SPAG16: variants seen among roughly 807,000 people sequenced by gnomAD.
SPAG16 encodes the protein sperm associated antigen 16.
SPAG16 carries 86 observed loss-of-function variants against 80.4 expected under a neutral mutation model. The observed-to-expected ratio is 1.07, with a 90% CI of 0.90 to 1.28. The LOEUF is 1.28. SPAG16 is among the 50% of genes most tolerant of loss of function. The probability of loss-of-function intolerance (pLI) is 0.00; values close to 1 mark genes in which losing one functional copy is unlikely to be tolerated. For synonymous variants in SPAG16, 294 were observed against 265.9 expected (o/e 1.11, Z -1.03); for missense variants, 870 against 765.3 (o/e 1.14, Z -1.61).
chr2:213,553,262 A>C (rs1018536319), intron 10 of SPAG16, among the ~76,000 whole-genome samples: 3 of 152,226 alleles, frequency 2.0e-5, no homozygotes, highest in Admixed American at 2.0e-4. Context: ...AGCAGCCCAC[A>C]GTCACATTAA....
At chr2:214,053,150 C>T (rs1575990634) in intron 13 of SPAG16, among the ~76,000 whole-genome samples, 2 of 152,080 alleles carry the variant, frequency 1.3e-5, no homozygotes, top group Admixed American at 6.6e-5. Context: ...GCATGCAATT[C>T]GAGCATGGAA....
chr2:213,903,868 A>T (rs921732514), intron 11 of SPAG16, among the ~76,000 whole-genome samples: 2 of 152,090 alleles, frequency 1.3e-5, no homozygotes, highest in Non-Finnish European at 2.9e-5. Flanking sequence ...ACTCTAAATC[A>T]TCTCTCTCAA....
chr2:213,659,081 G>C (rs1426002560), intron 10 of SPAG16, among the ~76,000 whole-genome samples: 2 of 152,092 alleles, frequency 1.3e-5, no homozygotes, highest in Non-Finnish European at 2.9e-5. Context: ...GTTGTGTAAT[G>C]TTCTAAATGA....
At chr2:213,593,746 CTTTTTTTTTTTT>C (rs541949006) in intron 10 of SPAG16, among the ~76,000 whole-genome samples, 2 of 50,188 alleles carry the variant, frequency 4.0e-5, no homozygotes, top group East Asian at 7.0e-4. Flanking sequence ...CCCACCACAT[CTTTTTTTTTTTT>C]TTTTTTTTTT....
At chr2:214,009,141 G>A (rs747066149) in intron 12 of SPAG16, among the ~76,000 whole-genome samples, 4 of 152,088 alleles carry the variant, frequency 2.6e-5, no homozygotes, top group Admixed American at 1.3e-4. Flanking sequence ...CTTACTCTAT[G>A]AAAATGCCAT....
intron 10 of SPAG16, among the ~76,000 whole-genome samples, chr2:213,682,254 A>G (rs998326683): frequency 6.6e-6 from 1 of 152,204 alleles, no homozygotes; most frequent in Non-Finnish European, 1.5e-5. Flanking sequence ...GGATGAGATT[A>G]AGATCAAGAT....
chr2:213,932,181 TATATATATATATATATA>T (rs1383342256), intron 12 of SPAG16, among the ~76,000 whole-genome samples: 9 of 24,662 alleles, frequency 3.6e-4, no homozygotes, highest in Admixed American at 2.6e-3. Flanking sequence ...TATATATATA[TATATATATATATATATA>T]TTTGTTGTTG....
chr2:214,393,016 G>T (rs907151500), intron 15 of SPAG16, among the ~76,000 whole-genome samples: 2 of 152,144 alleles, frequency 1.3e-5, no homozygotes, highest in Non-Finnish European at 2.9e-5. Context: ...TTTAAAGTAG[G>T]TATTGCTGGG....
intron 9 of SPAG16, among the ~76,000 whole-genome samples, chr2:213,461,782 A>T (rs1027580096): frequency 6.6e-6 from 1 of 152,186 alleles, no homozygotes; most frequent in African/African-American, 2.4e-5. Context: ...ATATAATAGG[A>T]TAAGCCCTAG....
chr2:213,625,081 C>A lies in SPAG16; in HGVS notation c.1070+134991C>A, dbSNP rs1375545217. Among the ~76,000 whole-genome samples the A allele has an allele frequency of 2.6e-5, 4 of 152,280 alleles. No homozygotes were observed. In the East Asian group the frequency reaches 7.7e-4, roughly 29 times the overall value. ...GTGCTGGAATTTCAGGCTTGAGCCA[C>A]CACACCCGGCCTCAGTTTTTTAATT... On this transcript the variant is annotated intron_variant, in intron 10 of 15. Coordinates refer to ENST00000331683, the MANE Select transcript of SPAG16 (RefSeq NM_024532.5).
chr2:214,336,073 C>T (rs867262196), intron 15 of SPAG16, among the ~76,000 whole-genome samples: 4 of 151,964 alleles, frequency 2.6e-5, no homozygotes, highest in African/African-American at 4.8e-5. Context: ...TTAGGATTCA[C>T]TTTACATAAA....
intron 12 of SPAG16, among the ~76,000 whole-genome samples, chr2:213,943,094 T>A (rs2079280199): frequency 6.6e-6 from 1 of 152,206 alleles, no homozygotes; most frequent in Non-Finnish European, 1.5e-5. Context: ...TCATCTTAGA[T>A]TTCCCGGCCT....
chr2:214,338,465 C>T (rs1254503506), intron 15 of SPAG16, among the ~76,000 whole-genome samples: 3 of 152,052 alleles, frequency 2.0e-5, no homozygotes, highest in African/African-American at 7.2e-5. Flanking sequence ...GATCATGCCA[C>T]TGCACTCCAG....
At chr2:213,888,313 A>ATATTTTCT (rs2076647068) in intron 11 of SPAG16, among the ~76,000 whole-genome samples, 2 of 151,872 alleles carry the variant, frequency 1.3e-5, no homozygotes, top group Admixed American at 1.3e-4. Context: ...TTTATAAGTT[A>ATATTTTCT]GAGCATTCAG....
At chr2:214,340,396 C>A (rs1210263948) in intron 15 of SPAG16, among the ~76,000 whole-genome samples, 1 of 152,164 alleles carries the variant, frequency 6.6e-6, no homozygotes, top group Non-Finnish European at 1.5e-5. Flanking sequence ...TTGCCAATTT[C>A]TTTTTAGAAT....
chr2:214,114,009 G>T (rs372509181), intron 14 of SPAG16, among the ~76,000 whole-genome samples: 1 of 152,140 alleles, frequency 6.6e-6, no homozygotes, highest in African/African-American at 2.4e-5. Flanking sequence ...TGGGGTTTTG[G>T]TGTAGATGTC....
At chr2:213,473,460 A>G (rs1430014246) in intron 9 of SPAG16, among the ~76,000 whole-genome samples, 1 of 152,198 alleles carries the variant, frequency 6.6e-6, no homozygotes, top group Non-Finnish European at 1.5e-5. Context: ...GCATTGGTCA[A>G]GTTATATCTT....
intron 10 of SPAG16, among the ~76,000 whole-genome samples, chr2:213,754,625 T>C (rs2068234053): frequency 6.6e-6 from 1 of 152,140 alleles, no homozygotes; most frequent in Non-Finnish European, 1.5e-5. Context: ...ACTTTCATAT[T>C]TTAAACTTTC....
chr2:213,579,600 T>C (rs939384306), intron 10 of SPAG16, among the ~76,000 whole-genome samples: 1 of 152,148 alleles, frequency 6.6e-6, no homozygotes. Context: ...CATACATATA[T>C]CTAAATAAAG....
Sources: gnomAD v4.1 joint callset for allele counts (sites outside exome capture counted in the v4.1 genomes callset) on GRCh38, gnomAD v4.1.1 for gene constraint, MANE v1.5 for transcripts, NCBI Gene and HGNC (gene_info 2026-07-23, HGNC 2026-07-21) for gene names.